LRP1B: variants seen among roughly 807,000 people sequenced by gnomAD.
The protein encoded by LRP1B is LDL receptor related protein 1B.
LRP1B carries 217 observed loss-of-function variants against 556.6 expected under a neutral mutation model. That is an observed-to-expected ratio of 0.39 (90% confidence interval 0.35 to 0.44). LRP1B has a LOEUF of 0.44. Ranked by LOEUF, LRP1B falls within the 20% of genes least tolerant of loss-of-function variation. The pLI is 1.00. For synonymous variants in LRP1B, 2,047 were observed against 1,865.8 expected, an observed-to-expected ratio of 1.10 and a Z score of -2.50; for missense variants, 5,053 against 5,620.8, an observed-to-expected ratio of 0.90 and a Z score of 3.23.
chr2:141,193,493 T>A (rs1440714843), intron 6 of LRP1B, among the ~76,000 whole-genome samples: 1 of 151,704 alleles, frequency 6.6e-6, no homozygotes, highest in Non-Finnish European at 1.5e-5. Flanking sequence ...GAAACAGAAA[T>A]CAAAATACTT....
At chr2:140,935,552 T>A (rs543832806) in intron 20 of LRP1B, among the ~76,000 whole-genome samples, 13 of 151,942 alleles carry the variant, frequency 8.6e-5, no homozygotes, top group Non-Finnish European at 1.8e-4. Flanking sequence ...CAGGGCACCA[T>A]GAAGAAGAGC....
At chr2:141,895,430 A>C (rs549983322) in intron 1 of LRP1B, among the ~76,000 whole-genome samples, 3 of 152,326 alleles carry the variant, frequency 2.0e-5, no homozygotes, top group African/African-American at 7.2e-5. Flanking sequence ...TATTTCATTA[A>C]GAAGACTTAC....
chr2:141,909,271 C>T (rs1285657213), intron 1 of LRP1B, among the ~76,000 whole-genome samples: 2 of 151,986 alleles, frequency 1.3e-5, no homozygotes, highest in Admixed American at 6.6e-5. Context: ...ATGAAAGGAA[C>T]ATTTTCACAA....
At chr2:140,681,953 C>T (rs912823194) in intron 41 of LRP1B, among the ~76,000 whole-genome samples, 1 of 152,118 alleles carries the variant, frequency 6.6e-6, no homozygotes, top group Non-Finnish European at 1.5e-5. Context: ...ATGGGAGAAA[C>T]AAGAAAGGCA....
intron 1 of LRP1B, among the ~76,000 whole-genome samples, chr2:141,917,691 C>T (rs975885408): frequency 1.8e-4 from 27 of 152,298 alleles, no homozygotes; most frequent in Admixed American, 1.6e-3. Flanking sequence ...CCACTATCTA[C>T]TGCTGCAGCT....
At chr2:141,242,127 G>A (rs1683900140) in intron 5 of LRP1B, among the ~76,000 whole-genome samples, 1 of 152,002 alleles carries the variant, frequency 6.6e-6, no homozygotes, top group African/African-American at 2.4e-5. Flanking sequence ...TAAAAGGCCA[G>A]GGAATAGTAT....
At chr2:140,935,438 A>G (rs1695173869) in intron 20 of LRP1B, among the ~76,000 whole-genome samples, 1 of 152,100 alleles carries the variant, frequency 6.6e-6, no homozygotes, top group Non-Finnish European at 1.5e-5. Context: ...TTGAGCTGGA[A>G]GAAGAAAAAA....
intron 41 of LRP1B, among the ~76,000 whole-genome samples, chr2:140,608,822 ATTTGTTTC>A (rs911956203): frequency 8.4e-4 from 126 of 149,854 alleles, no homozygotes; most frequent in African/African-American, 2.9e-3. Flanking sequence ...AGTGACAGTG[ATTTGTTTC>A]TTTGTTTGTT....
chr2:140,638,445 T>C (rs1684153708), intron 41 of LRP1B, among the ~76,000 whole-genome samples: 1 of 152,156 alleles, frequency 6.6e-6, no homozygotes, highest in Non-Finnish European at 1.5e-5. Context: ...GATAATCTAG[T>C]GGGTGGTATC....
At chr2:141,887,317 A>G (rs564968000) in intron 1 of LRP1B, among the ~76,000 whole-genome samples, 1 of 152,232 alleles carries the variant, frequency 6.6e-6, no homozygotes, top group South Asian at 2.1e-4. Context: ...ATTTTTGTCT[A>G]TGTAAAAATT....
intron 18 of LRP1B, among the ~76,000 whole-genome samples, chr2:140,968,952 A>C (rs1452029357): frequency 6.6e-6 from 1 of 152,148 alleles, no homozygotes; most frequent in African/African-American, 2.4e-5. Flanking sequence ...ACTTCCAACT[A>C]TGTGGTCAGT....
chr2:141,608,256 A>G (rs921973887), intron 2 of LRP1B, among the ~76,000 whole-genome samples: 3 of 152,186 alleles, frequency 2.0e-5, no homozygotes, highest in Non-Finnish European at 4.4e-5. Flanking sequence ...AATTTGTTTA[A>G]TAAAATTCAA....
chr2:141,721,687 G>T (rs897409143), intron 2 of LRP1B, among the ~76,000 whole-genome samples: 1 of 152,068 alleles, frequency 6.6e-6, no homozygotes, highest in Admixed American at 6.6e-5. Flanking sequence ...TAAGCAAAAC[G>T]ATATACTTGT....
chr2:140,558,731 G>A (rs1469992989), intron 43 of LRP1B, among the ~76,000 whole-genome samples: 2 of 151,924 alleles, frequency 1.3e-5, no homozygotes, highest in East Asian at 3.9e-4. Context: ...TTGAGCCCAA[G>A]AGTTTGAGAA....
At chr2:140,919,771 T>G (rs1325661489) in intron 21 of LRP1B, among the ~76,000 whole-genome samples, 2 of 152,080 alleles carry the variant, frequency 1.3e-5, no homozygotes, top group Non-Finnish European at 2.9e-5. Context: ...ATCACTTCTG[T>G]GTGTTGAGAA....
At chr2:140,379,746 A>G (rs1179319433) in intron 67 of LRP1B, among the ~76,000 whole-genome samples, 1 of 152,052 alleles carries the variant, frequency 6.6e-6, no homozygotes, top group Non-Finnish European at 1.5e-5. Flanking sequence ...GGGAAGAACT[A>G]TAGAAAAAGT....
chr2:141,993,293 C>A (rs1245587125), intron 1 of LRP1B, among the ~76,000 whole-genome samples: 4 of 152,122 alleles, frequency 2.6e-5, no homozygotes, highest in Admixed American at 1.3e-4. Context: ...CTCCTGGAAA[C>A]AATGGTGACC....
At chr2:140,497,395 G>A (rs997883755) in intron 55 of LRP1B, among the ~76,000 whole-genome samples, 8 of 151,746 alleles carry the variant, frequency 5.3e-5, no homozygotes, top group African/African-American at 1.9e-4. Context: ...GGAGGAATTG[G>A]TACTTAACTA....
At chr2:141,339,300 CA>C (rs199875427) in intron 3 of LRP1B, among the ~76,000 whole-genome samples, 16,004 of 75,530 alleles carry the variant, frequency 0.21, 1,005 homozygotes, top group South Asian at 0.3. Context: ...TGGGGTAACG[CA>C]AAAAAAAAAA....
Sources: allele counts gnomAD v4.1 joint callset (sites outside exome capture counted in the v4.1 genomes callset), GRCh38; gene constraint gnomAD v4.1.1; transcripts MANE v1.5; gene names NCBI Gene and HGNC (gene_info 2026-07-23, HGNC 2026-07-21).